Variants in UBE2K observed in about 807,000 individuals in gnomAD.
UBE2K encodes the protein ubiquitin conjugating enzyme E2 K.
UBE2K carries 6 observed loss-of-function variants against 30.0 expected under a neutral mutation model. That is an observed-to-expected ratio of 0.20 (90% CI 0.11 to 0.39). The LOEUF (loss-of-function observed/expected upper bound fraction) is 0.39, where lower values mean the gene tolerates loss of function less well. Ranked by LOEUF, UBE2K falls within the 10% of genes least tolerant of loss-of-function variation. The pLI is 1.00. For synonymous variants in UBE2K, 86 were observed against 83.7 expected (o/e 1.03, Z -0.15); for missense variants, 61 against 241.6 (o/e 0.25, Z 4.96).
intron 1 of UBE2K, among the ~76,000 whole-genome samples, chr4:39,727,313 G>A (rs1395014379): frequency 6.6e-6 from 1 of 152,142 alleles, no homozygotes; most frequent in African/African-American, 2.4e-5. Flanking sequence ...AGAAGTTTGA[G>A]GAGTAGCTTT....
chr4:39,757,359 GA>G (rs1711558454), intron 4 of UBE2K, among the ~76,000 whole-genome samples: 1 of 151,756 alleles, frequency 6.6e-6, no homozygotes, highest in Non-Finnish European at 1.5e-5. Flanking sequence ...AGAAAGGGGA[GA>G]AAAAAAGGTA....
chr4:39,775,905 A>T (rs17585617), intron 5 of UBE2K, among the ~76,000 whole-genome samples: 16,736 of 151,534 alleles, frequency 0.11, 1,130 homozygotes, highest in East Asian at 0.22. Context: ...TCCCACAATT[A>T]TTTCCCTTCT....
chr4:39,739,869 A>G (rs969548895), intron 2 of UBE2K, among the ~76,000 whole-genome samples: 5 of 152,248 alleles, frequency 3.3e-5, no homozygotes, highest in Non-Finnish European at 1.5e-5. Flanking sequence ...GATTCTAGGC[A>G]TGAGCCATTG....
At chr4:39,770,313 C>T (rs1712698814) in intron 4 of UBE2K, 3 of 1,612,844 alleles carry the variant, frequency 1.9e-6, no homozygotes, top group East Asian at 4.5e-5. Context: ...TGACTTGACA[C>T]CACGATGCAC....
chr4:39,750,470 A>G (rs1282399346), intron 3 of UBE2K, among the ~76,000 whole-genome samples: 5 of 152,146 alleles, frequency 3.3e-5, no homozygotes, highest in African/African-American at 1.2e-4. Context: ...TTCCGTTTTT[A>G]TTCATTGAGT....
intron 3 of UBE2K, among the ~76,000 whole-genome samples, chr4:39,751,190 G>T (rs1258810707): frequency 6.6e-6 from 1 of 151,542 alleles, no homozygotes; most frequent in Non-Finnish European, 1.5e-5. Context: ...CAGCCCACCT[G>T]CCTTGGCTTC....
At chr4:39,752,325 C>T (rs7441133) in intron 3 of UBE2K, among the ~76,000 whole-genome samples, 1,824 of 62,416 alleles carry the variant, frequency 0.029, 29 homozygotes, top group East Asian at 0.046. Context: ...TTTTTTTTTT[C>T]TTTTTTTTTC....
intron 4 of UBE2K, among the ~76,000 whole-genome samples, chr4:39,764,565 G>A (rs1712188688): frequency 6.6e-6 from 1 of 151,654 alleles, no homozygotes; most frequent in East Asian, 1.9e-4. Flanking sequence ...TCCCACCTCA[G>A]CTTATCACAG....
intron 4 of UBE2K, among the ~76,000 whole-genome samples, chr4:39,756,386 T>C (rs769044730): frequency 6.6e-6 from 1 of 152,260 alleles, no homozygotes; most frequent in Non-Finnish European, 1.5e-5. Context: ...TGATACCCAC[T>C]TCATAGAGCT....
In UBE2K at chr4:39,716,466, C is replaced by G. The variant is rs141221593; in HGVS notation, c.63+18076C>G. 6.9e-3 allele frequency among the ~76,000 whole-genome samples: 1,054 copies of G among 152,236 alleles called. 13 individuals carry two copies. Among genetic ancestry groups the G allele is most frequent in the African/African-American group, 0.024 (996 of 41,518 alleles). ...GTTTTGCCATGTTGCCCAGGCTGGT[C>G]TCAAACTCCTAGGCTCAAGTGATCC... On this transcript the variant is annotated intron_variant, in intron 1 of 6. Transcript: ENST00000261427.
rs561378684 is a variant in UBE2K at position 39,704,956 on chromosome 4, C to T, written c.63+6566C>T. Among the ~76,000 whole-genome samples the T allele has an allele frequency of 7.3e-5, 11 of 151,464 alleles. No homozygotes were observed. The South Asian group carries it at 1.0e-3, about 14-fold the overall frequency. On this transcript the variant is annotated intron_variant, in intron 1 of 6. Transcript: ENST00000261427. ...CGCCATCTCGGCTCACCGCAACCTC[C>T]GCCTCCCGGGTTCAAGCAATTCTCC...
At chr4:39,733,332 A>ATTTTTTTTTTTTTTT (rs34069872) in intron 1 of UBE2K, among the ~76,000 whole-genome samples, 1 of 129,020 alleles carries the variant, frequency 7.8e-6, no homozygotes, top group Non-Finnish European at 1.6e-5. Flanking sequence ...TCGGGCTTTA[A>ATTTTTTTTTTTTTTT]TTTTTTTTTT....
intron 4 of UBE2K, chr4:39,770,283 C>G: frequency 1.2e-6 from 2 of 1,611,278 alleles, no homozygotes; most frequent in Non-Finnish European, 1.7e-6. Context: ...GAAGCACTTG[C>G]CGCAGATGCC....
chr4:39,764,902 T>TTC (rs1553879891), intron 4 of UBE2K, among the ~76,000 whole-genome samples: 1 of 142,756 alleles, frequency 7.0e-6, no homozygotes, highest in African/African-American at 3.0e-5. Context: ...TTTTTTTTTT[T>TTC]CGAGACAAGA....
chr4:39,761,639 C>T (rs993797000), intron 4 of UBE2K, among the ~76,000 whole-genome samples: 5 of 151,912 alleles, frequency 3.3e-5, no homozygotes, highest in Admixed American at 1.3e-4. Context: ...TTCCTGTTTG[C>T]CTGTTAGGAT....
rs115324805 is a variant in UBE2K, at chr4:39,748,446, T to G, written c.216+2636T>G. Among the ~76,000 whole-genome samples, 1,057 of 152,200 alleles carry G rather than the reference T, an allele frequency of 6.9e-3. 14 individuals carry two copies. Among genetic ancestry groups the G allele is most frequent in the African/African-American group, 0.024 (999 of 41,546 alleles). ...GACTCAAAACATAATAACTGAAGTA[T>G]GTCTGATGTTTTTGCTACTACCTCA... is the stretch of plus-strand genomic sequence containing the variant. On this transcript the variant is annotated intron_variant, in intron 3 of 6. Transcript: ENST00000261427.
Position 39,770,234 on chromosome 4 carries a change from G to A in UBE2K, c.300-4600G>A, listed in dbSNP as rs899080698. The A allele has an allele frequency of 1.7e-5, 28 of 1,611,960 alleles. No homozygotes were observed. In the African/African-American group the frequency reaches 3.1e-4, roughly 18 times the overall value. ...AGCAGCGGTAGGGCTGCGCTCCCGA[G>A]TGCAGGTTGAGGTGGTCGTGCAGGG... On this transcript the variant is annotated intron_variant, in intron 4 of 6. Transcript: ENST00000261427.
At chr4:39,705,057 TTG>T (rs1312129733) in intron 1 of UBE2K, among the ~76,000 whole-genome samples, 5 of 150,154 alleles carry the variant, frequency 3.3e-5, no homozygotes, top group Admixed American at 2.0e-4. Flanking sequence ...TTGTTTTTTT[TTG>T]TTTTTGTTTT....
intron 1 of UBE2K, among the ~76,000 whole-genome samples, chr4:39,719,134 C>T (rs1014092670): frequency 6.6e-6 from 1 of 152,244 alleles, no homozygotes; most frequent in Non-Finnish European, 1.5e-5. Context: ...CCTACACATA[C>T]CTCAGACTTT....
Sources: gnomAD v4.1 joint callset for allele counts (sites outside exome capture counted in the v4.1 genomes callset) on GRCh38, gnomAD v4.1.1 for gene constraint, MANE v1.5 for transcripts, NCBI Gene and HGNC (gene_info 2026-07-23, HGNC 2026-07-21) for gene names.